C5AR2: variants seen among roughly 807,000 people sequenced by gnomAD.
The protein encoded by C5AR2 is complement C5a receptor 2.
For missense variants in C5AR2, 458 were observed against 467.5 expected, an observed-to-expected ratio of 0.98 and a Z score of 0.19; for synonymous variants, 224 against 216.5, an observed-to-expected ratio of 1.03 and a Z score of -0.30.
intron 1 of C5AR2, 137 bp from the exon 2 acceptor site, chr19:47,340,648 T>C (rs1599741819): frequency 1.3e-6 from 1 of 784,458 alleles, no homozygotes; most frequent in East Asian, 2.7e-5. Flanking sequence ...AATTCCAATA[T>C]TCTAAAGCAC....
chr19:47,341,872 G>A lies in C5AR2; in HGVS notation c.*59G>A. On this transcript the variant is annotated 3_prime_UTR_variant, in exon 2 of 2. Coordinates refer to ENST00000595464, the MANE Select transcript of C5AR2 (RefSeq NM_001271749.2). This position sits in a 1 kb window ranked among gnomAD's most constrained non-coding sequence, Gnocchi z 4.6. ...TCTCATTTCACAAGACTGGCTTCAG[G>A]CATAGCTGGATCCAGGAGCTCAATG... 6.7e-7 allele frequency: 1 copy of A among 1,488,010 alleles called. No individual in the cohort carries two copies. The highest frequency in any genetic ancestry group is 1.4e-5 in the African/African-American group (1 of 72,288). 92.2% of individuals were successfully genotyped at this position (1,488,010 alleles called of 1,614,324 possible). A position where few individuals can be genotyped will look rare whatever the true frequency, so the allele number is the denominator to read the frequency against.
rs201798187 is a variant in C5AR2, at chr19:47,341,245, G to C, written c.446G>C (p.Cys149Ser). 12 of 1,602,652 alleles carry C rather than the reference G, an allele frequency of 7.5e-6. No homozygotes were observed. The highest frequency in any genetic ancestry group is 1.7e-6 in the Non-Finnish European group (2 of 1,179,868). The change falls in exon 2 of 2, where the codon TGC becomes TCC. Residue 149 changes from cysteine (C) to serine (S), a missense_variant. Transcript: ENST00000595464. This position sits in a 1 kb window ranked among gnomAD's most constrained non-coding sequence, Gnocchi z 4.6. ...PAWWSTVQRA[C>S]GVQVACGAAW... Reference sequence around the variant, plus strand: ...TGGTGGTCTACGGTTCAGCGGGCGTGCGGGGTGCAGGTGGCCTGTGGGGCA... The same window carrying C: ...TGGTGGTCTACGGTTCAGCGGGCGTCCGGGGTGCAGGTGGCCTGTGGGGCA...
intron 1 of C5AR2, among the ~76,000 whole-genome samples, chr19:47,332,774 G>A (rs915365589): frequency 3.3e-5 from 5 of 151,518 alleles, no homozygotes; most frequent in Non-Finnish European, 5.9e-5. Flanking sequence ...GGCTGGTCTC[G>A]AACTCCCGAC....
At chr19:47,339,961 C>T (rs923400059) in intron 1 of C5AR2, among the ~76,000 whole-genome samples, 8 of 151,992 alleles carry the variant, frequency 5.3e-5, no homozygotes, top group African/African-American at 1.9e-4. Flanking sequence ...TCTTTCTTTT[C>T]CTATTTTTTT....
At chr19:47,338,891 C>T (rs1214101045) in intron 1 of C5AR2, among the ~76,000 whole-genome samples, 2 of 151,056 alleles carry the variant, frequency 1.3e-5, no homozygotes, top group South Asian at 2.1e-4. Context: ...TGGTGGCTCA[C>T]GCCTGTAATC....
chr19:47,347,231 C>T lies in C5AR2; in HGVS notation c.*5418C>T, dbSNP rs1045852229. 1 of 152,026 alleles carries T rather than the reference C, an allele frequency of 6.6e-6. No individual in the cohort carries two copies. Among genetic ancestry groups the T allele is most frequent in the Non-Finnish European group, 1.5e-5 (1 of 68,028 alleles). 9.4% of individuals were successfully genotyped at this position (152,026 alleles called of 1,614,324 possible). ...CTAGTCTCAAGCTTGCTATACAATC[C>T]TATGGTTGATAGACTGTGGCTTTCT... On this transcript the variant is annotated 3_prime_UTR_variant, in exon 2 of 2. Coordinates refer to ENST00000595464, the MANE Select transcript of C5AR2 (RefSeq NM_001271749.2).
chr19:47,341,316 C>T lies in C5AR2; in HGVS notation c.517C>T (p.Arg173Cys), dbSNP rs922174556. 9.3e-6 allele frequency: 15 copies of T among 1,610,328 alleles called. No homozygotes were observed. In the East Asian group the frequency reaches 1.6e-4, roughly 17 times the overall value. ...LLLTVPSAIY[R>C]RLHQEHFPAR... is the part of the protein sequence containing the mutation. ...GCTCACCGTGCCCTCCGCCATCTACCGCCGGCTGCACCAGGAGCACTTCCC... is the reference window on the plus strand; with the variant it reads ...GCTCACCGTGCCCTCCGCCATCTACTGCCGGCTGCACCAGGAGCACTTCCC... The change falls in exon 2 of 2, where the codon CGC (arginine) becomes TGC (cysteine). Residue 173 changes from arginine to cysteine, a missense_variant. Physicochemically the swap from Arg to Cys is radical, Grantham distance 180. Transcript: ENST00000595464. This position sits in a 1 kb window ranked among gnomAD's most constrained non-coding sequence, Gnocchi z 4.6.
Position 47,337,966 on chromosome 19 carries a change from C to G in C5AR2, c.-15-2819C>G, listed in dbSNP as rs140834564. Among the ~76,000 whole-genome samples the G allele has an allele frequency of 3.3e-3, 499 of 151,334 alleles. 4 individuals are homozygous for G. The highest frequency in any genetic ancestry group is 0.012 in the African/African-American group (480 of 41,210). On this transcript the variant is annotated intron_variant, in intron 1 of 1. Transcript: ENST00000595464. ...GTGCACGCCTGTAATCCCAGCTACT[C>G]GGGAGGCTTGTGGCAGGAGTAATGC...
intron 1 of C5AR2, among the ~76,000 whole-genome samples, chr19:47,335,677 C>G (rs533919835): frequency 1.2e-4 from 16 of 137,364 alleles, no homozygotes; most frequent in Admixed American, 2.5e-4. Context: ...GAGACTGAGG[C>G]AGGAGAATCA....
rs1969131708 is a variant in C5AR2 at position 47,347,164 on chromosome 19, T to G, written c.*5351T>G. On this transcript the variant is annotated 3_prime_UTR_variant, in exon 2 of 2. Transcript: ENST00000595464. ...TTTACCATAGAAATATTGATTTCCT[T>G]AAGTTTTCAAAGAACCAAGTTATTA... 6.6e-6 allele frequency: 1 copy of G among 152,132 alleles called. No homozygotes were observed. Among genetic ancestry groups the G allele is most frequent in the Non-Finnish European group, 1.5e-5 (1 of 68,020 alleles). 9.4% of individuals were successfully genotyped at this position (152,132 alleles called of 1,614,324 possible).
rs897207658 is a variant in C5AR2, at chr19:47,342,918, CACTT to C, written c.*1109_*1112del. The stretch of plus-strand genomic sequence containing the variant: ...CAAGGCTTCTCTCCACCACTGGACA[CACTT>C]ACTCTCTAGCTTCTCAGACCCTGTA... On this transcript the variant is annotated 3_prime_UTR_variant, in exon 2 of 2. Coordinates refer to ENST00000595464, the MANE Select transcript of C5AR2 (RefSeq NM_001271749.2). 15 of 152,288 alleles carry C rather than the reference CACTT, an allele frequency of 9.8e-5. No homozygotes were observed. Among genetic ancestry groups the C allele is most frequent in the Admixed American group, 5.9e-4 (9 of 15,264 alleles). The allele number at this position is 152,288 out of a possible 1,614,324, so 9.4% of individuals were successfully genotyped here.
intron 1 of C5AR2, among the ~76,000 whole-genome samples, chr19:47,339,989 G>T (rs1345054130): frequency 6.6e-6 from 1 of 151,558 alleles, no homozygotes; most frequent in African/African-American, 2.4e-5. Context: ...TTGAGACAGA[G>T]TCTCTCTCTG....
chr19:47,335,771 C>CA lies in C5AR2; in HGVS notation c.-16+3453dup, dbSNP rs768761019. 1.3e-3 allele frequency among the ~76,000 whole-genome samples: 30 copies of CA among 23,032 alleles called. 5 individuals are homozygous for CA. Among genetic ancestry groups the CA allele is most frequent in the African/African-American group, 3.8e-3 (18 of 4,750 alleles). The allele number at this position is 23,032 out of a possible 152,430, so 15.1% of individuals were successfully genotyped here. On this transcript the variant is annotated intron_variant, in intron 1 of 1. Coordinates refer to ENST00000595464, the MANE Select transcript of C5AR2 (RefSeq NM_001271749.2). The stretch of plus-strand genomic sequence containing the variant: ...TGGGCGACAGAGTGATACTCCGTCT[C>CA]AAAAAAAAAAAAAAAAAAAAAAAAA...
chr19:47,333,806 C>T (rs1033777826), intron 1 of C5AR2, among the ~76,000 whole-genome samples: 1 of 151,930 alleles, frequency 6.6e-6, no homozygotes, highest in African/African-American at 2.4e-5. Flanking sequence ...GTCTCGATCT[C>T]CTGACCTCGT....
In C5AR2 at chr19:47,347,324, A is replaced by AT. The variant is rs1568389394; in HGVS notation, c.*5513dup. On this transcript the variant is annotated 3_prime_UTR_variant, in exon 2 of 2. Transcript: ENST00000595464. ...TTTAAAAATTATAATTATTGTTTGG[A>AT]TTATTTATTTATTTATTTATTTGTT... 22 of 149,578 alleles carry AT rather than the reference A, an allele frequency of 1.5e-4. No homozygotes were observed. The highest frequency in any genetic ancestry group is 5.4e-4 in the African/African-American group (22 of 40,514). 9.3% of individuals were successfully genotyped at this position (149,578 alleles called of 1,614,324 possible).
Position 47,341,420 on chromosome 19 carries a change from T to C in C5AR2, c.621T>C (p.Phe207=). 6.2e-7 allele frequency: 1 copy of C among 1,612,456 alleles called. No individual in the cohort carries two copies. The highest frequency in any genetic ancestry group is 8.5e-7 in the Non-Finnish European group (1 of 1,179,882). The change falls in exon 2 of 2, where the codon TTT becomes TTC. Residue 207 remains phenylalanine, a synonymous_variant. Transcript: ENST00000595464. The surrounding 1 kb of genome is among the most constrained non-coding windows in gnomAD (Gnocchi z 4.6). Reference sequence around the variant, plus strand: ...CGGTGACTGCCATCCGGTTTCTTTTTGGCTTCCTGGGGCCCCTGGTGGCCG... The same window carrying C: ...CGGTGACTGCCATCCGGTTTCTTTTCGGCTTCCTGGGGCCCCTGGTGGCCG... ...ENAVTAIRFL[F]GFLGPLVAVA...
At position 47,347,236 on chromosome 19, in the gene C5AR2, G is replaced by T. The variant is rs1398496651; in HGVS notation, c.*5423G>T. Reference sequence around the variant, plus strand: ...CTCAAGCTTGCTATACAATCCTATGGTTGATAGACTGTGGCTTTCTTGTTG... The same window carrying T: ...CTCAAGCTTGCTATACAATCCTATGTTTGATAGACTGTGGCTTTCTTGTTG... On this transcript the variant is annotated 3_prime_UTR_variant, in exon 2 of 2. Coordinates refer to ENST00000595464, the MANE Select transcript of C5AR2 (RefSeq NM_001271749.2). The T allele has an allele frequency of 6.6e-6, 1 of 151,884 alleles. No homozygotes were observed. The highest frequency in any genetic ancestry group is 2.4e-5 in the African/African-American group (1 of 41,354). 9.4% of individuals were successfully genotyped at this position (151,884 alleles called of 1,614,324 possible). A position where few individuals can be genotyped will look rare whatever the true frequency, so the allele number is the denominator to read the frequency against.
intron 1 of C5AR2, among the ~76,000 whole-genome samples, chr19:47,333,936 A>C (rs1469445403): frequency 6.6e-6 from 1 of 152,120 alleles, no homozygotes; most frequent in East Asian, 1.9e-4. Context: ...GCAAGACTGG[A>C]TGCACAGACA....
At chr19:47,335,782 AAAAAAAAAAAAAAAAAAAAAG>A (rs1454305881) in intron 1 of C5AR2, among the ~76,000 whole-genome samples, 2 of 132,478 alleles carry the variant, frequency 1.5e-5, no homozygotes, top group Admixed American at 1.5e-4. Context: ...AAAAAAAAAA[AAAAAAAAAAAAAAAAAAAAAG>A]AAAGTTTTCG....
Sources: gnomAD v4.1 joint callset for allele counts (sites outside exome capture counted in the v4.1 genomes callset) on GRCh38, gnomAD v4.1.1 for gene constraint, Gnocchi (gnomAD v3.1) non-coding constraint, MANE v1.5 for transcripts, NCBI Gene and HGNC (gene_info 2026-07-23, HGNC 2026-07-21) for gene names.